The following NTRK2 variants were observed in gnomAD, a reference collection of about 807,000 sequenced individuals.
NTRK2 encodes neurotrophic receptor tyrosine kinase 2, also known as BDNF/NT-3 growth factors receptor.
NTRK2 carries 13 observed loss-of-function variants against 94.5 expected under a neutral mutation model. The observed-to-expected ratio is 0.14, with a 90% CI of 0.09 to 0.22. The LOEUF is 0.22. Ranked by LOEUF, NTRK2 falls within the 10% of genes least tolerant of loss-of-function variation. NTRK2 has a pLI of 1.00. For missense variants in NTRK2, 639 were observed against 1,071.2 expected, an observed-to-expected ratio of 0.60 and a Z score of 5.63; for synonymous variants, 372 against 407.4, an observed-to-expected ratio of 0.91 and a Z score of 1.05.
In NTRK2 at chr9:84,816,648, G is replaced by A. The variant is rs550718372; in HGVS notation, c.1397-44392G>A. 2.3e-3 allele frequency among the ~76,000 whole-genome samples: 350 copies of A among 151,656 alleles called. 3 individuals are homozygous for A. Among genetic ancestry groups the A allele is most frequent in the African/African-American group, 7.9e-3 (328 of 41,360 alleles). On this transcript the variant is annotated intron_variant, in intron 12 of 18. Coordinates refer to ENST00000277120, the MANE Select transcript of NTRK2 (RefSeq NM_006180.6). ...ACAAAAATTAGCTGGGCGTGGTGGC[G>A]GGCGCCTGTAATCTCACCTATTCAG...
chr9:85,004,280 C>T (rs1041893099), intron 17 of NTRK2, among the ~76,000 whole-genome samples: 2 of 152,070 alleles, frequency 1.3e-5, no homozygotes, highest in Non-Finnish European at 2.9e-5. Context: ...TAAATCATCT[C>T]TGCTTTTCTC....
chr9:84,710,072 A>G (rs1271920838), intron 5 of NTRK2, among the ~76,000 whole-genome samples: 1 of 152,030 alleles, frequency 6.6e-6, no homozygotes, highest in Non-Finnish European at 1.5e-5. Flanking sequence ...TGAATCAATG[A>G]AACTGACTGT....
At chr9:84,765,536 T>C (rs927064608) in intron 12 of NTRK2, among the ~76,000 whole-genome samples, 3 of 152,162 alleles carry the variant, frequency 2.0e-5, no homozygotes, top group African/African-American at 4.8e-5. Context: ...GCCTGAGGGT[T>C]ACCTGGTTTG....
chr9:84,761,903 T>C (rs143954283), intron 12 of NTRK2, among the ~76,000 whole-genome samples: 97 of 152,304 alleles, frequency 6.4e-4, no homozygotes, highest in African/African-American at 2.1e-3. Context: ...TCATCTTGAA[T>C]TGCATCTCCC....
chr9:84,878,570 G>A (rs926009897), intron 14 of NTRK2, among the ~76,000 whole-genome samples: 1 of 151,026 alleles, frequency 6.6e-6, no homozygotes, highest in East Asian at 1.9e-4. Context: ...GGAGGCGGGG[G>A]TTGCAGTGAG....
chr9:84,843,805 T>G (rs1412526082), intron 12 of NTRK2, among the ~76,000 whole-genome samples: 5 of 152,214 alleles, frequency 3.3e-5, no homozygotes, highest in African/African-American at 1.2e-4. Context: ...AGTAAACAGA[T>G]TGTTATAATC....
intron 17 of NTRK2, among the ~76,000 whole-genome samples, chr9:84,998,165 C>T (rs1829967091): frequency 6.6e-6 from 1 of 152,172 alleles, no homozygotes; most frequent in Non-Finnish European, 1.5e-5. Context: ...CCTATTCTTC[C>T]CATCAAACAG....
At chr9:84,915,090 T>C (rs911139911) in intron 14 of NTRK2, among the ~76,000 whole-genome samples, 2 of 152,140 alleles carry the variant, frequency 1.3e-5, no homozygotes, top group Non-Finnish European at 2.9e-5. Flanking sequence ...GGGTTCATGC[T>C]CCTATGAGAA....
chr9:84,901,199 G>GTTTTATTTTA (rs550196757), intron 14 of NTRK2, among the ~76,000 whole-genome samples: 11,617 of 131,148 alleles, frequency 0.089, 832 homozygotes, highest in African/African-American at 0.18. Context: ...GTTTTGTTTT[G>GTTTTATTTTA]TTTTGTTTTA....
intron 2 of NTRK2, among the ~76,000 whole-genome samples, chr9:84,687,631 G>A (rs1175359160): frequency 6.6e-6 from 1 of 152,102 alleles, no homozygotes; most frequent in Admixed American, 6.6e-5. Flanking sequence ...TACTCTGTTG[G>A]CAAAGTCATC....
At chr9:84,823,788 C>A (rs577849255) in intron 12 of NTRK2, among the ~76,000 whole-genome samples, 1 of 152,254 alleles carries the variant, frequency 6.6e-6, no homozygotes, top group Admixed American at 6.5e-5. Flanking sequence ...CTCTATGAGC[C>A]AAACATAACA....
At chr9:84,835,330 G>GCAT (rs1244625575) in intron 12 of NTRK2, among the ~76,000 whole-genome samples, 1 of 152,052 alleles carries the variant, frequency 6.6e-6, no homozygotes, top group Non-Finnish European at 1.5e-5. Context: ...GCCCATCTGT[G>GCAT]CATGACCCTT....
At position 85,022,611 on chromosome 9, in the gene NTRK2, A is replaced by AG; in HGVS notation, c.*1174_*1175insG. ...ACTTCCATGCCCACCCGTCCTTTTAACTGTGCAAGCAAAATTGTGCATGGT... is the reference window on the plus strand; with the variant it reads ...ACTTCCATGCCCACCCGTCCTTTTAAGCTGTGCAAGCAAAATTGTGCATGGT... On this transcript the variant is annotated 3_prime_UTR_variant, in exon 19 of 19. Transcript: ENST00000277120. 1 of 233,256 alleles carries AG rather than the reference A, an allele frequency of 4.3e-6. No homozygotes were observed. Among genetic ancestry groups the AG allele is most frequent in the Non-Finnish European group, 8.5e-6 (1 of 118,038 alleles). The allele number at this position is 233,256 out of a possible 1,614,324, so 14.4% of individuals were successfully genotyped here. A position where few individuals can be genotyped will look rare whatever the true frequency, so the allele number is the denominator to read the frequency against.
intron 14 of NTRK2, among the ~76,000 whole-genome samples, chr9:84,897,711 C>T (rs574491692): frequency 4.0e-4 from 61 of 152,334 alleles, no homozygotes; most frequent in Non-Finnish European, 6.9e-4. Context: ...GCCCTTCCTC[C>T]ACACCCTCAC....
At chr9:84,764,478 C>T (rs1228560592) in intron 12 of NTRK2, among the ~76,000 whole-genome samples, 4 of 152,098 alleles carry the variant, frequency 2.6e-5, no homozygotes, top group Non-Finnish European at 5.9e-5. Flanking sequence ...GATGACTCTT[C>T]CTTGAGGCAA....
chr9:84,984,883 G>T (rs1408059713), intron 17 of NTRK2, among the ~76,000 whole-genome samples: 1 of 152,232 alleles, frequency 6.6e-6, no homozygotes, highest in Non-Finnish European at 1.5e-5. Flanking sequence ...TCAGCAGGTT[G>T]TTGTGGAGAT....
intron 9 of NTRK2, among the ~76,000 whole-genome samples, chr9:84,729,542 T>C (rs566290788): frequency 2.0e-5 from 3 of 152,352 alleles, no homozygotes; most frequent in African/African-American, 7.2e-5. Context: ...AAACTTTTTA[T>C]TTCTGAATAA....
chr9:84,897,428 C>T (rs2076791223), intron 14 of NTRK2, among the ~76,000 whole-genome samples: 1 of 152,244 alleles, frequency 6.6e-6, no homozygotes, highest in African/African-American at 2.4e-5. Context: ...AGCCACTGCA[C>T]CTGGCCTTGA....
At chr9:84,753,726 T>G (rs2132524062) in intron 12 of NTRK2, among the ~76,000 whole-genome samples, 1 of 152,340 alleles carries the variant, frequency 6.6e-6, no homozygotes, top group East Asian at 1.9e-4. Context: ...CTTTCCTTCC[T>G]TAGAGGCACT....
Sources: gnomAD v4.1 joint callset for allele counts (sites outside exome capture counted in the v4.1 genomes callset) on GRCh38, gnomAD v4.1.1 for gene constraint, MANE v1.5 for transcripts, NCBI Gene and HGNC (gene_info 2026-07-23, HGNC 2026-07-21) for gene names.